Variants in GRM1 observed in about 807,000 individuals in gnomAD.
GRM1 encodes glutamate metabotropic receptor 1.
In GRM1, 33 loss-of-function variants were observed where a neutral mutation model predicts 90.9. The ratio of observed to expected loss-of-function variants is 0.36; its 90% CI spans 0.28 to 0.49. The LOEUF is 0.49. Among genes scored for constraint, GRM1 ranks in the 20% least tolerant of loss-of-function variants. The pLI, the probability that GRM1 is intolerant of heterozygous loss-of-function variation, is 0.99. For synonymous variants in GRM1, 700 were observed against 613.2 expected, an observed-to-expected ratio of 1.14 and a Z score of -2.09; for missense variants, 1,190 against 1,534.3, an observed-to-expected ratio of 0.78 and a Z score of 3.75.
chr6:146,311,747 G>A (rs1236747941), intron 3 of GRM1, among the ~76,000 whole-genome samples: 3 of 152,122 alleles, frequency 2.0e-5, no homozygotes, highest in African/African-American at 7.2e-5. Context: ...TGATACATGA[G>A]TAACAGCATG....
At chr6:146,281,347 A>G (rs1782561400) in intron 2 of GRM1, among the ~76,000 whole-genome samples, 1 of 152,210 alleles carries the variant, frequency 6.6e-6, no homozygotes, top group Admixed American at 6.5e-5. Context: ...ACATTTGATC[A>G]CAGCATTCTA....
intron 1 of GRM1, among the ~76,000 whole-genome samples, chr6:146,057,117 C>T (rs1260984966): frequency 1.3e-5 from 2 of 152,138 alleles, no homozygotes; most frequent in Non-Finnish European, 2.9e-5. Context: ...AACTTTGATA[C>T]ACAGAGCCTA....
intron 1 of GRM1, among the ~76,000 whole-genome samples, chr6:146,044,112 CTG>C (rs766747636): frequency 2.6e-5 from 4 of 151,842 alleles, no homozygotes; most frequent in Non-Finnish European, 5.9e-5. Flanking sequence ...TGCCATGAGG[CTG>C]TGTTTGGACA....
intron 1 of GRM1, among the ~76,000 whole-genome samples, chr6:146,062,535 T>C (rs945765275): frequency 6.6e-6 from 1 of 151,492 alleles, no homozygotes; most frequent in Non-Finnish European, 1.5e-5. Context: ...TAAAATAAAA[T>C]GCTGTTTGTT....
At chr6:146,231,320 C>T (rs924854655) in intron 2 of GRM1, among the ~76,000 whole-genome samples, 4 of 152,030 alleles carry the variant, frequency 2.6e-5, no homozygotes, top group African/African-American at 9.7e-5. Context: ...TAACATTGCT[C>T]TTAAAATAGT....
chr6:146,314,829 G>A (rs116430419), intron 3 of GRM1, among the ~76,000 whole-genome samples: 2 of 152,040 alleles, frequency 1.3e-5, no homozygotes, highest in Non-Finnish European at 2.9e-5. Context: ...TATAAAACAT[G>A]ATTTCTAATT....
rs1395764139 is a variant in GRM1, at chr6:146,435,460, A to G, written c.*664A>G. ...CAACCCATCCAGTGCCAGCTTTGAGATTGCACTTGAAGAAAGGTGCATGGA... is the reference window on the plus strand; with the variant it reads ...CAACCCATCCAGTGCCAGCTTTGAGGTTGCACTTGAAGAAAGGTGCATGGA... On this transcript the variant is annotated 3_prime_UTR_variant, in exon 8 of 8. Transcript: ENST00000282753. 1 of 155,894 alleles carries G rather than the reference A, an allele frequency of 6.4e-6. No homozygotes were observed. The highest frequency in any genetic ancestry group is 1.4e-5 in the Non-Finnish European group (1 of 70,232). 9.7% of individuals were successfully genotyped at this position (155,894 alleles called of 1,614,324 possible). A position where few individuals can be genotyped will look rare whatever the true frequency, so the allele number is the denominator to read the frequency against.
chr6:146,059,843 C>T (rs1775603350), intron 1 of GRM1, among the ~76,000 whole-genome samples: 1 of 152,150 alleles, frequency 6.6e-6, no homozygotes, highest in African/African-American at 2.4e-5. Context: ...CTTCTAGCTT[C>T]AAACTTTTCT....
intron 2 of GRM1, among the ~76,000 whole-genome samples, chr6:146,302,910 GAGGAAGGAAGGA>G (rs368002136): frequency 1.3e-5 from 2 of 151,472 alleles, no homozygotes; most frequent in African/African-American, 2.4e-5. Context: ...GGGAGGGAGG[GAGGAAGGAAGGA>G]AGGAAGGAAG....
rs1308979626 is a variant in GRM1, at chr6:146,435,859, A to G, written c.*1063A>G. The G allele has an allele frequency of 6.5e-6, 1 of 152,672 alleles. No homozygotes were observed. Among genetic ancestry groups the G allele is most frequent in the Non-Finnish European group, 1.5e-5 (1 of 68,040 alleles). 9.5% of individuals were successfully genotyped at this position (152,672 alleles called of 1,614,324 possible). A position where few individuals can be genotyped will look rare whatever the true frequency, so the allele number is the denominator to read the frequency against. On this transcript the variant is annotated 3_prime_UTR_variant, in exon 8 of 8. Coordinates refer to ENST00000282753, the MANE Select transcript of GRM1 (RefSeq NM_001278064.2). ...TACAAGTTGAACTTCTAAGATGCGT[A>G]TATGTACAATTTGGTGCCATTATTT...
intron 3 of GRM1, among the ~76,000 whole-genome samples, chr6:146,325,980 C>T (rs975633677): frequency 9.2e-5 from 14 of 152,072 alleles, no homozygotes; most frequent in East Asian, 1.9e-4. Flanking sequence ...ATGTCCTTAG[C>T]GCCAGGTTTG....
chr6:146,260,788 T>A (rs534932716), intron 2 of GRM1, among the ~76,000 whole-genome samples: 4 of 150,190 alleles, frequency 2.7e-5, no homozygotes, highest in African/African-American at 9.8e-5. Context: ...GCCCATTTTT[T>A]AATTAGGTTA....
intron 5 of GRM1, among the ~76,000 whole-genome samples, chr6:146,360,637 C>A (rs1412422987): frequency 6.6e-6 from 1 of 152,132 alleles, no homozygotes; most frequent in Non-Finnish European, 1.5e-5. Flanking sequence ...AGTGAGGGCA[C>A]CCTGGTTTTT....
intron 2 of GRM1, among the ~76,000 whole-genome samples, chr6:146,259,350 T>C (rs1196375735): frequency 2.0e-5 from 3 of 152,180 alleles, no homozygotes; most frequent in Non-Finnish European, 4.4e-5. Context: ...TTACAAAAAA[T>C]TTAAGTGCAT....
chr6:146,253,104 G>T (rs987824912), intron 2 of GRM1, among the ~76,000 whole-genome samples: 10 of 151,970 alleles, frequency 6.6e-5, no homozygotes, highest in African/African-American at 2.4e-4. Flanking sequence ...AAAAATATTA[G>T]AATTTATTAT....
intron 2 of GRM1, among the ~76,000 whole-genome samples, chr6:146,183,258 G>T (rs1778613211): frequency 6.6e-6 from 1 of 152,178 alleles, no homozygotes; most frequent in South Asian, 2.1e-4. Flanking sequence ...TTCACATCCT[G>T]TTGACAAGAA....
At chr6:146,044,918 A>C (rs1791268705) in intron 1 of GRM1, among the ~76,000 whole-genome samples, 2 of 151,914 alleles carry the variant, frequency 1.3e-5, no homozygotes, top group Non-Finnish European at 2.9e-5. Context: ...TGTTCATACA[A>C]ATCACCTGGG....
intron 2 of GRM1, among the ~76,000 whole-genome samples, chr6:146,177,027 T>C (rs1778363124): frequency 6.6e-6 from 1 of 152,122 alleles, no homozygotes. Flanking sequence ...GACCAATATA[T>C]ATTAGCTACA....
chr6:146,365,889 A>C (rs6570757), intron 5 of GRM1, among the ~76,000 whole-genome samples: 29,923 of 152,060 alleles, frequency 0.2, 3,881 homozygotes, highest in African/African-American at 0.37. Context: ...CAAGGTCCTG[A>C]AAGCTGGGTG....
Sources: gnomAD v4.1 joint callset for allele counts (sites outside exome capture counted in the v4.1 genomes callset) on GRCh38, gnomAD v4.1.1 for gene constraint, MANE v1.5 for transcripts, NCBI Gene and HGNC (gene_info 2026-07-23, HGNC 2026-07-21) for gene names.